ESR2: variants seen among roughly 807,000 people sequenced by gnomAD.
ESR2 encodes estrogen receptor 2.
A neutral mutation model predicts 49.6 loss-of-function variants in ESR2; 36 were observed. That is an observed-to-expected ratio of 0.73 (90% CI 0.56 to 0.96). ESR2 has a LOEUF of 0.96. ESR2 is among the 40% of genes least tolerant of loss of function. ESR2 has a pLI of 0.00. For missense variants in ESR2, 714 were observed against 693.0 expected, an observed-to-expected ratio of 1.03 and a Z score of -0.34; for synonymous variants, 320 against 266.1, an observed-to-expected ratio of 1.20 and a Z score of -1.97.
chr14:64,247,504 C>T (rs939734168), intron 7 of ESR2, among the ~76,000 whole-genome samples: 5 of 152,090 alleles, frequency 3.3e-5, no homozygotes, highest in African/African-American at 9.7e-5. Flanking sequence ...ATTTAAAGAC[C>T]GTAGTATAAT....
chr14:64,272,899 G>A (rs934248317), intron 3 of ESR2, among the ~76,000 whole-genome samples: 1 of 152,030 alleles, frequency 6.6e-6, no homozygotes, highest in African/African-American at 2.4e-5. Flanking sequence ...TTCTATTTCT[G>A]TGAAAATATC....
intron 1 of ESR2, among the ~76,000 whole-genome samples, chr14:64,328,086 G>A (rs2077411525): frequency 6.7e-6 from 1 of 149,872 alleles, no homozygotes; most frequent in Non-Finnish European, 1.5e-5. Flanking sequence ...GCCAGGCATA[G>A]TGGTGTGCAC....
At chr14:64,263,684 A>G (rs2076268030) in intron 4 of ESR2, among the ~76,000 whole-genome samples, 1 of 152,118 alleles carries the variant, frequency 6.6e-6, no homozygotes, top group African/African-American at 2.4e-5. Context: ...ATAGACAAAC[A>G]ATAAAACACA....
Position 64,244,415 on chromosome 14 carries a change from G to A in ESR2, c.1225+5131C>T, listed in dbSNP as rs544418136. Among the ~76,000 whole-genome samples, 13 of 147,470 alleles carry A rather than the reference G, an allele frequency of 8.8e-5. No homozygotes were observed. The South Asian group carries it at 2.6e-3, about 30-fold the overall frequency. On this transcript the variant is annotated intron_variant, in intron 7 of 8. Coordinates refer to ENST00000341099, the MANE Select transcript of ESR2 (RefSeq NM_001437.3). ...ACTTCATCTCAAAAAAAAAAAAAAAGAAAGAACAGTGGACTAAGTAAGGAA... is the reference window on the plus strand; with the variant it reads ...ACTTCATCTCAAAAAAAAAAAAAAAAAAAGAACAGTGGACTAAGTAAGGAA...
At chr14:64,298,818 T>C (rs887081116), upstream of ESR2, among the ~76,000 whole-genome samples, 6 of 152,190 alleles carry the variant, frequency 3.9e-5, no homozygotes, top group Admixed American at 2.0e-4. Flanking sequence ...CAAAGGTACT[T>C]AAATTCCACA....
At chr14:64,284,905 A>G (rs1200359031) in intron 1 of ESR2, among the ~76,000 whole-genome samples, 2 of 147,858 alleles carry the variant, frequency 1.4e-5, no homozygotes, top group Admixed American at 6.8e-5. Flanking sequence ...GCTGGAGTGC[A>G]GTGGCGCAAT....
chr14:64,233,609 A>C, intron 8 of ESR2: 1 of 367,598 alleles, frequency 2.7e-6, no homozygotes, highest in Non-Finnish European at 5.0e-6. Flanking sequence ...CCGTAAAGTC[A>C]CTGTGAACAC....
chr14:64,317,143 G>A (rs1158565723), intron 1 of ESR2, among the ~76,000 whole-genome samples: 1 of 152,120 alleles, frequency 6.6e-6, no homozygotes, highest in Non-Finnish European at 1.5e-5. Context: ...GCACACACCT[G>A]TAGTTCCAGC....
At chr14:64,261,232 CTTTTTTCTTTTTTTTT>C (rs1449030384) in intron 4 of ESR2, among the ~76,000 whole-genome samples, 2 of 88,682 alleles carry the variant, frequency 2.3e-5, no homozygotes, top group Non-Finnish European at 4.1e-5. Context: ...TTTTATTTTT[CTTTTTTCTTTTTTTTT>C]TTTTTTTGAG....
chr14:64,273,653 C>T (rs1412102138), intron 3 of ESR2, among the ~76,000 whole-genome samples: 3 of 152,070 alleles, frequency 2.0e-5, no homozygotes. Flanking sequence ...TAAATTCCAC[C>T]TGGTTATGAT....
At chr14:64,315,284 G>A (rs912144984) in intron 1 of ESR2, among the ~76,000 whole-genome samples, 3 of 147,642 alleles carry the variant, frequency 2.0e-5, no homozygotes, top group South Asian at 2.2e-4. Flanking sequence ...GAGAGAAGAC[G>A]CTAGTTACCA....
chr14:64,291,862 G>A (rs1431029978), intron 1 of ESR2, among the ~76,000 whole-genome samples: 1 of 151,724 alleles, frequency 6.6e-6, no homozygotes, highest in Non-Finnish European at 1.5e-5. Context: ...GCAATTTCAG[G>A]TAGCTTTCTT....
At chr14:64,302,903 A>T (rs1325388929) in intron 1 of ESR2, among the ~76,000 whole-genome samples, 1 of 152,052 alleles carries the variant, frequency 6.6e-6, no homozygotes, top group East Asian at 1.9e-4. Context: ...GGTTCAAGCG[A>T]TTCTCCTGCC....
chr14:64,238,645 A>G (rs1229034663), intron 7 of ESR2, among the ~76,000 whole-genome samples: 2 of 152,172 alleles, frequency 1.3e-5, no homozygotes, highest in Non-Finnish European at 2.9e-5. Flanking sequence ...CAGGCACAGA[A>G]AACCACAAAA....
At chr14:64,277,283 T>C (rs940574226) in intron 3 of ESR2, among the ~76,000 whole-genome samples, 10 of 152,108 alleles carry the variant, frequency 6.6e-5, no homozygotes, top group African/African-American at 1.9e-4. Flanking sequence ...TAAGATATGG[T>C]CAATTAGCTT....
chr14:64,279,913 T>C lies in ESR2; in HGVS notation c.535+68A>G, dbSNP rs185883923. On this transcript the variant is annotated intron_variant, in intron 3 of 8. Coordinates refer to ENST00000341099, the MANE Select transcript of ESR2 (RefSeq NM_001437.3). Reference sequence around the variant, plus strand: ...GGCCAGTAGTGACATTTCTGCCAAGTCATCTCTGCAAAATTGTTTGAAATC... The same window carrying C: ...GGCCAGTAGTGACATTTCTGCCAAGCCATCTCTGCAAAATTGTTTGAAATC... The C allele has an allele frequency of 1.1e-5, 14 of 1,332,806 alleles. No individual in the cohort carries two copies. The African/African-American group carries it at 1.7e-4, about 17-fold the overall frequency. 82.6% of individuals were successfully genotyped at this position (1,332,806 alleles called of 1,614,324 possible).
At chr14:64,275,076 C>A (rs1469843991) in intron 3 of ESR2, among the ~76,000 whole-genome samples, 1 of 152,184 alleles carries the variant, frequency 6.6e-6, no homozygotes, top group Non-Finnish European at 1.5e-5. Flanking sequence ...GTTGCAGCCA[C>A]TGGATGAAAT....
chr14:64,258,555 G>A (rs1448817087), intron 5 of ESR2, among the ~76,000 whole-genome samples: 3 of 152,300 alleles, frequency 2.0e-5, no homozygotes, highest in African/African-American at 7.2e-5. Flanking sequence ...CTCTGAGAAT[G>A]TCTTATAGGC....
intron 7 of ESR2, among the ~76,000 whole-genome samples, chr14:64,236,301 G>A (rs966974474): frequency 6.6e-6 from 1 of 152,114 alleles, no homozygotes; most frequent in African/African-American, 2.4e-5. Context: ...CCCTGAAGCT[G>A]CTTCTCCAAT....
Sources: gnomAD v4.1 joint callset for allele counts (sites outside exome capture counted in the v4.1 genomes callset) on GRCh38, gnomAD v4.1.1 for gene constraint, MANE v1.5 for transcripts, NCBI Gene and HGNC (gene_info 2026-07-23, HGNC 2026-07-21) for gene names.